Variants in LXN observed in about 807,000 individuals in gnomAD.
LXN encodes latexin.
A neutral mutation model predicts 29.8 loss-of-function variants in LXN; 28 were observed. That is an observed-to-expected ratio of 0.94 (90% CI 0.70 to 1.29). The LOEUF (loss-of-function observed/expected upper bound fraction) is 1.29. Ranked by LOEUF, LXN falls within the 50% of genes most tolerant of loss-of-function variation. The probability of loss-of-function intolerance (pLI) is 0.00; values close to 1 mark genes in which losing one functional copy is unlikely to be tolerated. For missense variants in LXN, 227 were observed against 261.7 expected (o/e 0.87, Z 0.92); for synonymous variants, 77 against 89.6 (o/e 0.86, Z 0.80).
At chr3:158,669,234 G>T in intron 3 of LXN, 102 bp from the exon 4 acceptor site, 2 of 1,328,574 alleles carry the variant, frequency 1.5e-6, no homozygotes, top group Non-Finnish European at 2.1e-6. Flanking sequence ...CGAATGTTGT[G>T]CAAAAAATAA....
chr3:158,667,027 A>G lies in LXN; in HGVS notation c.555T>C (p.His185=). 6.3e-7 allele frequency: 1 copy of G among 1,596,434 alleles called. No homozygotes were observed. Among genetic ancestry groups the G allele is most frequent in the Non-Finnish European group, 8.5e-7 (1 of 1,174,466 alleles). The change falls in exon 5 of 6, where the codon CAT becomes CAC. Residue 185 remains histidine (H), a synonymous_variant. Transcript: ENST00000264265. ...FIELDYTILL[H]NIASQEIIPW... ...TATACTTTACCTGAGATGCTATATT[A>G]TGAAGTAGAATGGTGTAGTCTAATT...
chr3:158,666,552 A>C lies in LXN; in HGVS notation c.*94T>G. On this transcript the variant is annotated 3_prime_UTR_variant, in exon 6 of 6. Transcript: ENST00000264265. Reference sequence around the variant, plus strand: ...AATCAAGACATTTATATAAAGTGACACTTTGGGATTATTTGGCCTCATAAG... The same window carrying C: ...AATCAAGACATTTATATAAAGTGACCCTTTGGGATTATTTGGCCTCATAAG... 4.0e-6 allele frequency: 5 copies of C among 1,236,454 alleles called. No homozygotes were observed. In the South Asian group the frequency reaches 6.1e-5, roughly 15 times the overall value. 76.6% of individuals were successfully genotyped at this position (1,236,454 alleles called of 1,614,324 possible). A position where few individuals can be genotyped will look rare whatever the true frequency, so the allele number is the denominator to read the frequency against.
At position 158,669,550 on chromosome 3, in the gene LXN, G is replaced by T; in HGVS notation, c.253C>A (p.Pro85Thr). 1 of 1,613,924 alleles carries T rather than the reference G, an allele frequency of 6.2e-7. No individual in the cohort carries two copies. The highest frequency in any genetic ancestry group is 8.5e-7 in the Non-Finnish European group (1 of 1,179,914). Residue 85 changes from proline (P) to threonine (T), a missense_variant, in exon 3 of 6, where the codon CCA (proline) becomes ACA (threonine). Pro to Thr is a conservative substitution (Grantham distance 38). Coordinates refer to ENST00000264265, the MANE Select transcript of LXN (RefSeq NM_020169.4). Reference protein sequence around the residue: ...LYPSTGQETAPEVNFTFEGET... With the variant: ...LYPSTGQETATEVNFTFEGET... ...CCTTCAAATGTGAAGTTGACTTCTG[G>T]TGCAGTTTCTTGTCCCGTTGAAGGG...
chr3:158,670,560 T>C (rs780899801), intron 2 of LXN, among the ~76,000 whole-genome samples: 1 of 152,232 alleles, frequency 6.6e-6, no homozygotes, highest in Non-Finnish European at 1.5e-5. Flanking sequence ...AAAGAACTGA[T>C]CCTTGTAAAC....
chr3:158,667,931 A>G (rs1015796245), intron 4 of LXN, among the ~76,000 whole-genome samples: 1 of 152,238 alleles, frequency 6.6e-6, no homozygotes, highest in Non-Finnish European at 1.5e-5. Context: ...TGGCATGACT[A>G]TAGTAATTTG....
chr3:158,667,538 C>G (rs759777788), intron 4 of LXN, among the ~76,000 whole-genome samples: 2 of 152,176 alleles, frequency 1.3e-5, no homozygotes, highest in Non-Finnish European at 1.5e-5. Context: ...ATAATCCGAG[C>G]ACTTTGCGGG....
In LXN at chr3:158,672,511, A is replaced by G. The variant is rs756975459; in HGVS notation, c.-33T>C. Reference sequence around the variant, plus strand: ...GAGCAGTGACTTCAGGGCTTGGGCTACTCTGGCTTAACGGGACCAGTAGCA... The same window carrying G: ...GAGCAGTGACTTCAGGGCTTGGGCTGCTCTGGCTTAACGGGACCAGTAGCA... On this transcript the variant is annotated 5_prime_UTR_variant, in exon 1 of 6. Transcript: ENST00000264265. The G allele has an allele frequency of 5.6e-6, 9 of 1,612,060 alleles. No homozygotes were observed. Among genetic ancestry groups the G allele is most frequent in the Non-Finnish European group, 7.6e-6 (9 of 1,178,946 alleles).
intron 4 of LXN, 77 bp downstream of exon 4, chr3:158,668,919 G>A: frequency 7.6e-7 from 1 of 1,317,438 alleles, no homozygotes. Flanking sequence ...TAGGAATACT[G>A]TTAATCCAAT....
chr3:158,672,148 C>G (rs906739274), intron 1 of LXN, among the ~76,000 whole-genome samples: 9 of 152,210 alleles, frequency 5.9e-5, no homozygotes, highest in African/African-American at 2.2e-4. Flanking sequence ...GAAAACAGTC[C>G]CGGGCTGTCT....
In LXN at chr3:158,669,098, G is replaced by A. The variant is rs1724013068; in HGVS notation, c.405C>T (p.Leu135=). ...AGGCAACCCAGGCTAAATGTAGAAC[G>A]AGCGTCATTTCTGGAGATACATTTC... is the stretch of plus-strand genomic sequence containing the variant. ...NFGNVSPEMT[L]VLHLAWVACG... Residue 135 remains leucine, a synonymous_variant, in exon 4 of 6, where the codon CTC becomes CTT. Coordinates refer to ENST00000264265, the MANE Select transcript of LXN (RefSeq NM_020169.4). 1.9e-6 allele frequency: 3 copies of A among 1,613,570 alleles called. No homozygotes were observed. Among genetic ancestry groups the A allele is most frequent in the South Asian group, 1.1e-5 (1 of 90,982 alleles).
rs114241364 is a variant in LXN at position 158,666,622 on chromosome 3, C to T, written c.*24G>A. The stretch of plus-strand genomic sequence containing the variant: ...GCATACACATCAATAGACATGTTTA[C>T]ACTTCCAGTGTTAGGGTTTTTGTTT... On this transcript the variant is annotated 3_prime_UTR_variant, in exon 6 of 6. Coordinates refer to ENST00000264265, the MANE Select transcript of LXN (RefSeq NM_020169.4). 3.0e-5 allele frequency: 48 copies of T among 1,593,120 alleles called. No individual in the cohort carries two copies. The African/African-American group carries it at 6.4e-4, about 21-fold the overall frequency.
intron 4 of LXN, among the ~76,000 whole-genome samples, 169 bp from the exon 5 acceptor site, chr3:158,667,243 C>T (rs1328120777): frequency 6.6e-6 from 1 of 152,134 alleles, no homozygotes; most frequent in Non-Finnish European, 1.5e-5. Flanking sequence ...TATTCTCTTA[C>T]ACTAAATAAA....
Position 158,669,453 on chromosome 3 carries a change from A to AGCG in LXN, c.347_349dup (p.Pro116dup). ...TATACCTGGAATATTTTGTGCTTCT[A>AGCG]GCGGTTCCTTCATGGACTTAAGTCT... On this transcript the variant is annotated inframe_insertion, in exon 3 of 6. Transcript: ENST00000264265. 1 of 1,612,854 alleles carries AGCG rather than the reference A, an allele frequency of 6.2e-7. No homozygotes were observed. Among genetic ancestry groups the AGCG allele is most frequent in the South Asian group, 1.1e-5 (1 of 90,870 alleles).
At position 158,672,576 on chromosome 3, in the gene LXN, G is replaced by A. The variant is rs2108070912; in HGVS notation, c.-98C>T. Reference sequence around the variant, plus strand: ...CTGCTTGCTGCTGGGTCCGGTTGCCGAGGCGGAAAAGTCGCAAGCTCCTTC... The same window carrying A: ...CTGCTTGCTGCTGGGTCCGGTTGCCAAGGCGGAAAAGTCGCAAGCTCCTTC... On this transcript the variant is annotated 5_prime_UTR_variant, in exon 1 of 6. Transcript: ENST00000264265. 6.7e-7 allele frequency: 1 copy of A among 1,503,122 alleles called. No individual in the cohort carries two copies. The highest frequency in any genetic ancestry group is 2.3e-5 in the East Asian group (1 of 42,976). 93.1% of individuals were successfully genotyped at this position (1,503,122 alleles called of 1,614,324 possible).
Position 158,672,545 on chromosome 3 carries a change from C to T in LXN, c.-67G>A. ...TAACGGGACCAGTAGCAGAGCGCCG[C>T]CCGTCCTGCTTGCTGCTGGGTCCGG... On this transcript the variant is annotated 5_prime_UTR_variant, in exon 1 of 6. Transcript: ENST00000264265. 1 of 1,592,668 alleles carries T rather than the reference C, an allele frequency of 6.3e-7. No homozygotes were observed. The highest frequency in any genetic ancestry group is 8.6e-7 in the Non-Finnish European group (1 of 1,166,308).
Position 158,672,445 on chromosome 3 carries a change from T to G in LXN, c.34A>C (p.Arg12=), listed in dbSNP as rs201539864. ...TAGTTCTGTGCCACCAAGGCCGCCC[T>G]GGAGGCTGGGTAGTTGGTCGGCGGG... ...EIPPTNYPAS[R]AALVAQNYIN... Residue 12 remains arginine, a synonymous_variant, in exon 1 of 6, where the codon AGG becomes CGG. Transcript: ENST00000264265. 4.2e-5 allele frequency: 67 copies of G among 1,614,024 alleles called. No individual in the cohort carries two copies. In the African/African-American group the frequency reaches 5.3e-4, roughly 13 times the overall value.
intron 3 of LXN, 88 bp downstream of exon 3, chr3:158,669,345 C>T (rs1316250845): frequency 2.2e-6 from 3 of 1,350,710 alleles, no homozygotes; most frequent in Non-Finnish European, 3.0e-6. Flanking sequence ...TTCTAACATA[C>T]TTAGCAACTA....
Position 158,666,593 on chromosome 3 carries a change from A to AT in LXN, c.*52dup, listed in dbSNP as rs1723707953. On this transcript the variant is annotated 3_prime_UTR_variant, in exon 6 of 6. Transcript: ENST00000264265. ...GCCTCATAAGCTAGATGCCAGTGAA[A>AT]TTGGCATACACATCAATAGACATGT... 5 of 1,496,904 alleles carry AT rather than the reference A, an allele frequency of 3.3e-6. No individual in the cohort carries two copies. In the East Asian group the frequency reaches 1.1e-4, roughly 34 times the overall value. The allele number at this position is 1,496,904 out of a possible 1,614,324, so 92.7% of individuals were successfully genotyped here.
rs3213845 is a variant in LXN, at chr3:158,669,369, C to T, written c.370+64G>A. On this transcript the variant is annotated intron_variant, in intron 3 of 5. Coordinates refer to ENST00000264265, the MANE Select transcript of LXN (RefSeq NM_020169.4). ...ACTTAGCAACTAACAATTTTAAGCACAGATAATTGAGATTGATTTTAAGTT... is the reference window on the plus strand; with the variant it reads ...ACTTAGCAACTAACAATTTTAAGCATAGATAATTGAGATTGATTTTAAGTT... The T allele has an allele frequency of 1.4e-4, 210 of 1,475,304 alleles. No individual in the cohort carries two copies. In the East Asian group the frequency reaches 3.9e-3, roughly 27 times the overall value. 91.4% of individuals were successfully genotyped at this position (1,475,304 alleles called of 1,614,324 possible). A position where few individuals can be genotyped will look rare whatever the true frequency, so the allele number is the denominator to read the frequency against.
Sources: gnomAD v4.1 joint callset for allele counts (sites outside exome capture counted in the v4.1 genomes callset) on GRCh38, gnomAD v4.1.1 for gene constraint, MANE v1.5 for transcripts, NCBI Gene and HGNC (gene_info 2026-07-23, HGNC 2026-07-21) for gene names.